PKHD1L1: variants seen among roughly 807,000 people sequenced by gnomAD.
PKHD1L1 encodes the protein PKHD1 like 1, also known as fibrocystin-L.
In PKHD1L1, 434 loss-of-function variants were observed where a neutral mutation model predicts 462.9. The observed-to-expected ratio is 0.94, with a 90% CI of 0.87 to 1.02. PKHD1L1 has a LOEUF of 1.02. PKHD1L1 is among the 50% of genes least tolerant of loss of function. The probability of loss-of-function intolerance (pLI) is 0.00; values close to 1 mark genes in which losing one functional copy is unlikely to be tolerated. For missense variants in PKHD1L1, 5,202 were observed against 5,096.1 expected (o/e 1.02, Z -0.63); for synonymous variants, 1,781 against 1,750.0 (o/e 1.02, Z -0.44).
At chr8:109,507,011 C>A (rs1819724848) in intron 68 of PKHD1L1, among the ~76,000 whole-genome samples, 1 of 152,092 alleles carries the variant, frequency 6.6e-6, no homozygotes, top group Non-Finnish European at 1.5e-5. Context: ...ATGAGTTTAT[C>A]TTACCTCTTA....
intron 49 of PKHD1L1, 128 bp from the exon 50 acceptor site, chr8:109,466,446 GCAAA>G (rs2130838494): frequency 2.3e-6 from 2 of 882,936 alleles, no homozygotes; most frequent in South Asian, 2.4e-5. Context: ...ATGCAAACAA[GCAAA>G]CAAACAAAAC....
chr8:109,426,372 T>G (rs2130671525), intron 24 of PKHD1L1, among the ~76,000 whole-genome samples: 1 of 152,130 alleles, frequency 6.6e-6, no homozygotes, highest in Non-Finnish European at 1.5e-5. Flanking sequence ...AAATATCGAC[T>G]GATATTTGAT....
At chr8:109,435,156 A>G (rs1563538046) in intron 28 of PKHD1L1, 34 bp from the exon 29 acceptor site, 4 of 1,608,562 alleles carry the variant, frequency 2.5e-6, no homozygotes, top group Admixed American at 1.7e-5. Flanking sequence ...CATTTGATTT[A>G]CCATTTTCTT....
chr8:109,504,031 A>G (rs1783157), intron 67 of PKHD1L1, among the ~76,000 whole-genome samples: 59,233 of 151,866 alleles, frequency 0.39, 11,716 homozygotes, highest in South Asian at 0.57. Flanking sequence ...GCAAGCTCCA[A>G]TATGCAAGCA....
chr8:109,413,205 A>G (rs1377350605), intron 20 of PKHD1L1, among the ~76,000 whole-genome samples: 3 of 152,228 alleles, frequency 2.0e-5, no homozygotes, highest in Non-Finnish European at 4.4e-5. Flanking sequence ...ATTATAATTA[A>G]TTGTAAGGTC....
chr8:109,401,927 T>G (rs1368457304), intron 14 of PKHD1L1, among the ~76,000 whole-genome samples: 1 of 152,156 alleles, frequency 6.6e-6, no homozygotes, highest in African/African-American at 2.4e-5. Context: ...TCTTCAGTAT[T>G]GCTAGGGAAA....
In PKHD1L1 at chr8:109,536,394, G is replaced by A. The variant is rs1240851553; in HGVS notation, c.*6304G>A. Among the ~76,000 whole-genome samples, 3 of 152,284 alleles carry A rather than the reference G, an allele frequency of 2.0e-5. No homozygotes were observed. In the East Asian group the frequency reaches 5.8e-4, roughly 29 times the overall value. ...ATGAATGAGTCTCACATTGTTTCAT[G>A]TTGTTTTATTTCTACTTTCTCAATC... is the stretch of plus-strand genomic sequence containing the variant. On this transcript the variant is annotated 3_prime_UTR_variant, in exon 78 of 78. Transcript: ENST00000378402.
chr8:109,389,376 CTCTT>C (rs1812599011), intron 8 of PKHD1L1, among the ~76,000 whole-genome samples: 1 of 151,986 alleles, frequency 6.6e-6, no homozygotes, highest in Admixed American at 6.6e-5. Flanking sequence ...CCTCAGGTTT[CTCTT>C]TCTTCTTCTT....
chr8:109,509,895 A>G (rs1464246115), intron 70 of PKHD1L1, among the ~76,000 whole-genome samples: 1 of 152,132 alleles, frequency 6.6e-6, no homozygotes, highest in Non-Finnish European at 1.5e-5. Context: ...TAAATACATC[A>G]ATACAATTCA....
intron 37 of PKHD1L1, 85 bp from the exon 38 acceptor site, chr8:109,444,576 A>T: frequency 7.9e-7 from 1 of 1,271,912 alleles, no homozygotes; most frequent in Non-Finnish European, 1.1e-6. Flanking sequence ...TAACTTTTAA[A>T]ATTTGTAGTT....
chr8:109,464,369 G>T lies in PKHD1L1; in HGVS notation c.7537G>T (p.Val2513Phe). ...TATTCATAACACACACCATCTTCTGGTTGAGAGGAATATTATATATGATAT... is the reference window on the plus strand; with the variant it reads ...TATTCATAACACACACCATCTTCTGTTTGAGAGGAATATTATATATGATAT... Reference protein sequence around the residue: ...VTIHNTHHLLVERNIIYDIKG... With the variant: ...VTIHNTHHLLFERNIIYDIKG... The change falls in exon 49 of 78, where the codon GTT (valine) becomes TTT (phenylalanine). Residue 2513 changes from valine (V) to phenylalanine (F), a missense_variant. Val to Phe is a conservative substitution (Grantham distance 50, BLOSUM62 -1). Around this residue, in one of 3 missense-constraint regions of PKHD1L1, gnomAD observed 4,497 missense variants for 4,336.8 expected, o/e 1.04. Transcript: ENST00000378402. The T allele has an allele frequency of 6.2e-7, 1 of 1,613,262 alleles. No homozygotes were observed. Among genetic ancestry groups the T allele is most frequent in the South Asian group, 1.1e-5 (1 of 91,042 alleles).
intron 9 of PKHD1L1, among the ~76,000 whole-genome samples, chr8:109,393,574 A>G (rs1812809285): frequency 6.6e-6 from 1 of 152,192 alleles, no homozygotes; most frequent in Admixed American, 6.5e-5. Flanking sequence ...ATTAGTGGGC[A>G]GAGGAGTAGT....
At position 109,454,778 on chromosome 8, in the gene PKHD1L1, A is replaced by G. The variant is rs768925710; in HGVS notation, c.6800A>G (p.His2267Arg). ...QHKAVITLHG[H>R]LRSPELPVYG... Reference sequence around the variant, plus strand: ...AAGGCTGTCATTACCTTGCATGGTCACCTGCGATCTCCTGAGCTCCCTGTC... The same window carrying G: ...AAGGCTGTCATTACCTTGCATGGTCGCCTGCGATCTCCTGAGCTCCCTGTC... Residue 2267 changes from histidine to arginine, a missense_variant, in exon 45 of 78, where the codon CAC (histidine) becomes CGC (arginine). Coordinates refer to ENST00000378402, the MANE Select transcript of PKHD1L1 (RefSeq NM_177531.6). The G allele has an allele frequency of 3.1e-6, 5 of 1,613,680 alleles. No individual in the cohort carries two copies. The highest frequency in any genetic ancestry group is 1.3e-5 in the African/African-American group (1 of 74,880).
intron 76 of PKHD1L1, among the ~76,000 whole-genome samples, chr8:109,525,111 C>G (rs538434934): frequency 6.6e-6 from 1 of 152,210 alleles, no homozygotes; most frequent in South Asian, 2.1e-4. Context: ...TAGCAGTTAA[C>G]CCCCACAGTC....
intron 2 of PKHD1L1, among the ~76,000 whole-genome samples, chr8:109,377,378 A>G (rs1042971998): frequency 1.3e-5 from 2 of 152,106 alleles, no homozygotes; most frequent in African/African-American, 4.8e-5. Context: ...TGTTATGTTT[A>G]TTATTGTATT....
Position 109,519,377 on chromosome 8 carries a change from C to T in PKHD1L1, c.12031+869C>T, listed in dbSNP as rs1279163928. On this transcript the variant is annotated intron_variant, in intron 73 of 77. Transcript: ENST00000378402. The stretch of plus-strand genomic sequence containing the variant: ...CCATCTGCTCCTTTCAAGTTGGGGT[C>T]TGAATACCAAGGGGCTGTTCTGGCC... Among the ~76,000 whole-genome samples, 41 of 152,104 alleles carry T rather than the reference C, an allele frequency of 2.7e-4. 1 individual carries two copies. Among genetic ancestry groups the T allele is most frequent in the Admixed American group, 2.7e-3 (41 of 15,258 alleles).
rs117566671 is a variant in PKHD1L1 at position 109,441,537 on chromosome 8, T to C, written c.4204+158T>C. ...ACTGCTTGACATAGAGGGTCACATA[T>C]AGAGCAAATTAGTGGTAGACTTGAG... On this transcript the variant is annotated intron_variant, in intron 34 of 77. Transcript: ENST00000378402. Among the ~76,000 whole-genome samples, 1,430 of 152,256 alleles carry C rather than the reference T, an allele frequency of 9.4e-3. 13 individuals carry two copies. Among genetic ancestry groups the C allele is most frequent in the Non-Finnish European group, 0.015 (1,033 of 67,992 alleles).
At chr8:109,483,471 AATAT>A (rs1274762059) in intron 57 of PKHD1L1, among the ~76,000 whole-genome samples, 1 of 149,060 alleles carries the variant, frequency 6.7e-6, no homozygotes, top group African/African-American at 2.4e-5. Flanking sequence ...TAATATATGT[AATAT>A]ATGTCATTAA....
intron 40 of PKHD1L1, among the ~76,000 whole-genome samples, chr8:109,450,391 C>T (rs1459959249): frequency 6.6e-6 from 1 of 152,054 alleles, no homozygotes; most frequent in Non-Finnish European, 1.5e-5. Context: ...CTCTGACTTC[C>T]TTAACAAAGA....
Sources: gnomAD v4.1 joint callset for allele counts (sites outside exome capture counted in the v4.1 genomes callset) on GRCh38, gnomAD v4.1.1 for gene constraint, gnomAD v4.1.1 regional missense constraint, MANE v1.5 for transcripts, NCBI Gene and HGNC (gene_info 2026-07-23, HGNC 2026-07-21) for gene names.